The following PAPOLG variants were observed in gnomAD, a reference collection of about 807,000 sequenced individuals.
PAPOLG encodes poly(A) polymerase gamma.
PAPOLG carries 40 observed loss-of-function variants against 99.0 expected under a neutral mutation model. The ratio of observed to expected loss-of-function variants is 0.40; its 90% CI spans 0.31 to 0.53. The LOEUF (loss-of-function observed/expected upper bound fraction) is 0.53, where lower values mean the gene tolerates loss of function less well. Ranked by LOEUF, PAPOLG falls within the 20% of genes least tolerant of loss-of-function variation. PAPOLG has a pLI of 0.41. For missense variants in PAPOLG, 675 were observed against 884.1 expected (o/e 0.76, Z 3.00); for synonymous variants, 310 against 299.3 (o/e 1.04, Z -0.37).
At chr2:60,779,549 A>G in intron 8 of PAPOLG, 88 bp from the exon 9 acceptor site, 1 of 1,374,930 alleles carries the variant, frequency 7.3e-7, no homozygotes, top group Non-Finnish European at 9.8e-7. Context: ...TGTCACGGAT[A>G]TTCATTCACC....
rs372570999 is a variant in PAPOLG, at chr2:60,788,527, G to A, written c.1396+907G>A. ...AGTAGAGACGGAGTTTCACCATGCT[G>A]GCCAGGCTGGTCTTGAACACCTGAC... On this transcript the variant is annotated intron_variant, in intron 15 of 21. Transcript: ENST00000238714. 2.4e-4 allele frequency among the ~76,000 whole-genome samples: 37 copies of A among 152,160 alleles called. 1 individual carries two copies. In the East Asian group the frequency reaches 6.8e-3, roughly 28 times the overall value.
chr2:60,760,403 A>C, intron 2 of PAPOLG, 108 bp downstream of exon 2: 1 of 1,093,990 alleles, frequency 9.1e-7, no homozygotes. Flanking sequence ...CAGAAATGAC[A>C]AAAAGAAAAA....
At chr2:60,777,924 A>T (rs1193243286) in intron 8 of PAPOLG, among the ~76,000 whole-genome samples, 2 of 152,194 alleles carry the variant, frequency 1.3e-5, no homozygotes, top group East Asian at 3.8e-4. Flanking sequence ...ACTAATCACA[A>T]ATCACCATAA....
At chr2:60,780,277 C>G (rs1671148424) in intron 9 of PAPOLG, among the ~76,000 whole-genome samples, 1 of 136,042 alleles carries the variant, frequency 7.4e-6, no homozygotes, top group African/African-American at 2.7e-5. Flanking sequence ...CTTACCTAGC[C>G]TTTTTTTTTT....
intron 3 of PAPOLG, among the ~76,000 whole-genome samples, chr2:60,765,419 A>G (rs1670648713): frequency 6.6e-6 from 1 of 150,746 alleles, no homozygotes; most frequent in Non-Finnish European, 1.5e-5. Flanking sequence ...TTTAAAAAAA[A>G]AAGTGACGAG....
At position 60,791,744 on chromosome 2, in the gene PAPOLG, T is replaced by G; in HGVS notation, c.1397-17T>G. ...TCAGAAAGAAGTTTCCCATTTAACA[T>G]ATTAACATTGTTACAGTGTACAGAC... On this transcript the variant is annotated splice_polypyrimidine_tract_variant and intron_variant, in intron 15 of 21. Coordinates refer to ENST00000238714, the MANE Select transcript of PAPOLG (RefSeq NM_022894.4). The G allele has an allele frequency of 6.3e-7, 1 of 1,582,108 alleles. No homozygotes were observed. Among genetic ancestry groups the G allele is most frequent in the Non-Finnish European group, 8.5e-7 (1 of 1,170,184 alleles).
rs1341617033 is a variant in PAPOLG at position 60,768,381 on chromosome 2, T to G, written c.247-89T>G. On this transcript the variant is annotated intron_variant, in intron 3 of 21. Transcript: ENST00000238714. ...CCTCCTATAGTGCTGGGATTACAAG[T>G]GTGAGCCACCATGCCCAGCCAACAT... 74 of 1,345,984 alleles carry G rather than the reference T, an allele frequency of 5.5e-5. No individual in the cohort carries two copies. In the East Asian group the frequency reaches 8.7e-4, roughly 16 times the overall value. 83.4% of individuals were successfully genotyped at this position (1,345,984 alleles called of 1,614,324 possible).
Position 60,786,228 on chromosome 2 carries a change from T to A in PAPOLG, c.1167-719T>A, listed in dbSNP as rs534813785. 2.6e-5 allele frequency among the ~76,000 whole-genome samples: 4 copies of A among 152,146 alleles called. No homozygotes were observed. In the East Asian group the frequency reaches 5.8e-4, roughly 22 times the overall value. ...CTAATATATTGGGCTGAAATTTTTA[T>A]TTTATTTATTTATTTATTTAGAGAT... On this transcript the variant is annotated intron_variant, in intron 13 of 21. Coordinates refer to ENST00000238714, the MANE Select transcript of PAPOLG (RefSeq NM_022894.4).
intron 21 of PAPOLG, 186 bp downstream of exon 21, chr2:60,795,206 A>T: frequency 1.5e-6 from 1 of 660,680 alleles, no homozygotes; most frequent in Non-Finnish European, 2.7e-6. Flanking sequence ...TATGTACCTC[A>T]AAAGTCTAAA....
chr2:60,756,820 T>A (rs940739750), intron 1 of PAPOLG, among the ~76,000 whole-genome samples: 1 of 152,174 alleles, frequency 6.6e-6, no homozygotes, highest in African/African-American at 2.4e-5. Flanking sequence ...CAGCACTGTC[T>A]GAGCCCGTCT....
At chr2:60,789,633 C>T (rs547400807) in intron 15 of PAPOLG, among the ~76,000 whole-genome samples, 1 of 152,184 alleles carries the variant, frequency 6.6e-6, no homozygotes, top group African/African-American at 2.4e-5. Context: ...ACATCTAGCC[C>T]TCTAGTCACA....
At chr2:60,790,958 A>G (rs1671513150) in intron 15 of PAPOLG, among the ~76,000 whole-genome samples, 1 of 152,084 alleles carries the variant, frequency 6.6e-6, no homozygotes, top group African/African-American at 2.4e-5. Flanking sequence ...GCATGGTGCC[A>G]TGCGCTTCTA....
In PAPOLG at chr2:60,792,139, C is replaced by G. The variant is rs773647823; in HGVS notation, c.1529C>G (p.Ser510Cys). The G allele has an allele frequency of 6.9e-6, 11 of 1,585,952 alleles. No individual in the cohort carries two copies. The highest frequency in any genetic ancestry group is 5.5e-5 in the African/African-American group (4 of 72,892). Reference protein sequence around the residue: ...ILQKKKKQSLSDVNRSSGGLQ... With the variant: ...ILQKKKKQSLCDVNRSSGGLQ... Reference sequence around the variant, plus strand: ...GTTCCCTTCTTTCAGCAAAGTCTCTCTGATGTCAATCGAAGCTCGGGCGGA... The same window carrying G: ...GTTCCCTTCTTTCAGCAAAGTCTCTGTGATGTCAATCGAAGCTCGGGCGGA... Residue 510 changes from serine to cysteine, a missense_variant, in exon 17 of 22, where the codon TCT becomes TGT. By Grantham distance (112) the Ser-to-Cys change is moderately radical. This residue lies in a region of PAPOLG where 413 missense variants were observed against 460.5 expected (regional missense o/e 0.90). Transcript: ENST00000238714.
In PAPOLG at chr2:60,798,151, A is replaced by T. The variant is rs948987433; in HGVS notation, c.*991A>T. On this transcript the variant is annotated 3_prime_UTR_variant, in exon 22 of 22. Transcript: ENST00000238714. ...CAAATAGTTTCTTCACGGACTAGGC[A>T]TGCAGAAATAAGCAGTGGATTTTAT... is the stretch of plus-strand genomic sequence containing the variant. The T allele has an allele frequency of 2.6e-5, 4 of 152,812 alleles. No individual in the cohort carries two copies. The highest frequency in any genetic ancestry group is 6.5e-5 in the Admixed American group (1 of 15,288). 9.5% of individuals were successfully genotyped at this position (152,812 alleles called of 1,614,324 possible).
chr2:60,766,666 G>A lies in PAPOLG; in HGVS notation c.247-1804G>A, dbSNP rs554652047. On this transcript the variant is annotated intron_variant, in intron 3 of 21. Transcript: ENST00000238714. ...AGCCTGGGCAACACAGTGAAACCCCGTCTCCATCTGTTTAAAAAAAAAAAA... is the reference window on the plus strand; with the variant it reads ...AGCCTGGGCAACACAGTGAAACCCCATCTCCATCTGTTTAAAAAAAAAAAA... Among the ~76,000 whole-genome samples, 341 of 147,228 alleles carry A rather than the reference G, an allele frequency of 2.3e-3. 1 individual carries two copies. Among genetic ancestry groups the A allele is most frequent in the African/African-American group, 7.9e-3 (317 of 39,900 alleles).
intron 21 of PAPOLG, among the ~76,000 whole-genome samples, chr2:60,796,129 A>G (rs753226233): frequency 6.6e-6 from 1 of 151,988 alleles, no homozygotes; most frequent in Non-Finnish European, 1.5e-5. Flanking sequence ...GGCTTAGCCA[A>G]GGTAAAACAA....
chr2:60,787,345 G>T (rs1010710108), intron 14 of PAPOLG, 166 bp from the exon 15 acceptor site: 2 of 427,136 alleles, frequency 4.7e-6, no homozygotes, highest in Admixed American at 6.4e-5. Context: ...AACAACAGGG[G>T]ATAACTTACC....
In PAPOLG at chr2:60,797,725, T is replaced by G. The variant is rs1371396269; in HGVS notation, c.*565T>G. On this transcript the variant is annotated 3_prime_UTR_variant, in exon 22 of 22. Transcript: ENST00000238714. ...GTAGATGTACTGTCTGTTCTGTTGATTTAAATTATTTTTTTCCAGATTGGC... is the reference window on the plus strand; with the variant it reads ...GTAGATGTACTGTCTGTTCTGTTGAGTTAAATTATTTTTTTCCAGATTGGC... 1 of 152,812 alleles carries G rather than the reference T, an allele frequency of 6.5e-6. No homozygotes were observed. Among genetic ancestry groups the G allele is most frequent in the Non-Finnish European group, 1.5e-5 (1 of 68,058 alleles). The allele number at this position is 152,812 out of a possible 1,614,324, so 9.5% of individuals were successfully genotyped here.
Position 60,781,869 on chromosome 2 carries a change from G to T in PAPOLG, c.907-16G>T. 1 of 1,613,614 alleles carries T rather than the reference G, an allele frequency of 6.2e-7. No individual in the cohort carries two copies. The highest frequency in any genetic ancestry group is 1.1e-5 in the South Asian group (1 of 91,012). On this transcript the variant is annotated splice_polypyrimidine_tract_variant and intron_variant, in intron 10 of 21. Coordinates refer to ENST00000238714, the MANE Select transcript of PAPOLG (RefSeq NM_022894.4). ...AATAGGAGAATAGATCAGTTATTCT[G>T]CTTCTAATTTCACAGGTAAATCCAT...
Sources: gnomAD v4.1 joint callset for allele counts (sites outside exome capture counted in the v4.1 genomes callset) on GRCh38, gnomAD v4.1.1 for gene constraint, gnomAD v4.1.1 regional missense constraint, MANE v1.5 for transcripts, NCBI Gene and HGNC (gene_info 2026-07-23, HGNC 2026-07-21) for gene names.